The following USHBP1 variants were observed in gnomAD, a reference collection of about 807,000 sequenced individuals.
The protein encoded by USHBP1 is harmonin-binding protein USHBP1.
In USHBP1, 67 loss-of-function variants were observed where a neutral mutation model predicts 76.2. The ratio of observed to expected loss-of-function variants is 0.88; its 90% CI spans 0.72 to 1.08. The LOEUF (loss-of-function observed/expected upper bound fraction) is 1.08. USHBP1 is among the 50% of genes least tolerant of loss of function. The pLI is 0.00. For missense variants in USHBP1, 931 were observed against 915.0 expected, an observed-to-expected ratio of 1.02 and a Z score of -0.23; for synonymous variants, 322 against 362.2, an observed-to-expected ratio of 0.89 and a Z score of 1.26.
rs535554060 is a variant in USHBP1 at position 17,255,290 on chromosome 19, C to T, written c.1692+95G>A. On this transcript the variant is annotated intron_variant, in intron 10 of 12. Transcript: ENST00000252597. ...CTGGGCAACAAGAGCCAAACTCCGT[C>T]TCAAAAAAAACAAAAAAAAAAAGGC... is the stretch of plus-strand genomic sequence containing the variant. The T allele has an allele frequency of 1.4e-4, 187 of 1,342,032 alleles. 2 individuals are homozygous for T. The South Asian group carries it at 2.3e-3, about 16-fold the overall frequency. 83.1% of individuals were successfully genotyped at this position (1,342,032 alleles called of 1,614,324 possible). A position where few individuals can be genotyped will look rare whatever the true frequency, so the allele number is the denominator to read the frequency against.
Position 17,255,574 on chromosome 19 carries a change from C to T in USHBP1, c.1503G>A (p.Gln501=). ...EALADLMLRL[Q]LVRREKRGLE... ...GGCCCCGCTTCTCACGCCGCACCAGCTGCAGCCGAAGCATCAGGTCCGCCA... is the reference window on the plus strand; with the variant it reads ...GGCCCCGCTTCTCACGCCGCACCAGTTGCAGCCGAAGCATCAGGTCCGCCA... Residue 501 remains glutamine (Q), a synonymous_variant, in exon 10 of 13, where the codon CAG becomes CAA. Coordinates refer to ENST00000252597, the MANE Select transcript of USHBP1 (RefSeq NM_031941.4). The T allele has an allele frequency of 6.2e-7, 1 of 1,612,570 alleles. No individual in the cohort carries two copies. Among genetic ancestry groups the T allele is most frequent in the Admixed American group, 1.7e-5 (1 of 59,960 alleles).
In USHBP1 at chr19:17,251,671, CAG is replaced by C. The variant is rs1423367023; in HGVS notation, c.1831_1832del (p.Leu611AlafsTer132). On this transcript the variant is annotated frameshift_variant, in exon 12 of 13. Coordinates refer to ENST00000252597, the MANE Select transcript of USHBP1 (RefSeq NM_031941.4). LOFTEE classifies it high-confidence loss of function. ...GAGCCACCTGTTCCAGCTCCCTGCG[CAG>C]AGACTGCAGCTGCTCCTGCAGGTCC... ...TLDLQEQLQS[L>X]RRELEQVAQK... is the part of the protein sequence containing the mutation. 6.2e-7 allele frequency: 1 copy of C among 1,613,824 alleles called. No homozygotes were observed. The highest frequency in any genetic ancestry group is 8.5e-7 in the Non-Finnish European group (1 of 1,180,020).
At chr19:17,263,791 G>C (rs777965730) in intron 3 of USHBP1, 1 of 559,618 alleles carries the variant, frequency 1.8e-6, no homozygotes, top group Admixed American at 3.8e-5. Context: ...CGCTTGAACC[G>C]GGAGGCAGGG....
chr19:17,253,905 A>AG (rs2073585276), intron 10 of USHBP1, among the ~76,000 whole-genome samples: 1 of 150,764 alleles, frequency 6.6e-6, no homozygotes, highest in African/African-American at 2.4e-5. Flanking sequence ...AAAAAAAAAA[A>AG]AAAAGAAAAA....
rs762752998 is a variant in USHBP1 at position 17,262,941 on chromosome 19, G to C, written c.253C>G (p.Pro85Ala). 28 of 1,543,676 alleles carry C rather than the reference G, an allele frequency of 1.8e-5. No homozygotes were observed. Among genetic ancestry groups the C allele is most frequent in the Non-Finnish European group, 2.4e-5 (27 of 1,144,696 alleles). Residue 85 changes from proline (P) to alanine (A), a missense_variant, in exon 4 of 13, where the codon CCC (proline) becomes GCC (alanine). Coordinates refer to ENST00000252597, the MANE Select transcript of USHBP1 (RefSeq NM_031941.4). ...ACTGCAGGTTTGTGGGGCACTTCGG[G>C]GGCTGAGGCCAGTTCCCTGCCAGAG... is the stretch of plus-strand genomic sequence containing the variant. ...GGSGRELASA[P>A]EVPHKPAVEA...
chr19:17,255,496 C>T lies in USHBP1; in HGVS notation c.1581G>A (p.Leu527=), dbSNP rs61735365. 13 of 1,613,868 alleles carry T rather than the reference C, an allele frequency of 8.1e-6. No homozygotes were observed. Among genetic ancestry groups the T allele is most frequent in the Non-Finnish European group, 8.5e-7 (1 of 1,179,916 alleles). The change falls in exon 10 of 13, where the codon CTG becomes CTA. Residue 527 remains leucine (L), a synonymous_variant. Coordinates refer to ENST00000252597, the MANE Select transcript of USHBP1 (RefSeq NM_031941.4). ...LRALGPAHVL[L]LEQLRWERAE... ...CCCGTTCCCACCGCAGCTGCTCCAGCAGGAGCACGTGAGCTGGACCCAGGG... is the reference window on the plus strand; with the variant it reads ...CCCGTTCCCACCGCAGCTGCTCCAGTAGGAGCACGTGAGCTGGACCCAGGG...
chr19:17,251,640 C>G lies in USHBP1; in HGVS notation c.1864G>C (p.Gly622Arg). ...RRELEQVAQK[G>R]RARRSQSAEL... ...GCACTCTGAGACCGTCTGGCTCGCC[C>G]CTTCTGAGCCACCTGTTCCAGCTCC... is the stretch of plus-strand genomic sequence containing the variant. Residue 622 changes from glycine (G) to arginine (R), a missense_variant, in exon 12 of 13, where the codon GGG (glycine) becomes CGG (arginine). By Grantham distance (125) the Gly-to-Arg change is moderately radical. Coordinates refer to ENST00000252597, the MANE Select transcript of USHBP1 (RefSeq NM_031941.4). The G allele has an allele frequency of 6.2e-7, 1 of 1,613,974 alleles. No individual in the cohort carries two copies. Among genetic ancestry groups the G allele is most frequent in the Non-Finnish European group, 8.5e-7 (1 of 1,179,996 alleles).
intron 8 of USHBP1, 21 bp from the exon 9 acceptor site, chr19:17,256,741 G>T: frequency 2.5e-6 from 4 of 1,613,780 alleles, no homozygotes; most frequent in Non-Finnish European, 2.5e-6. Flanking sequence ...CAGAAAAGGT[G>T]CCTATGTCAA....
Position 17,264,154 on chromosome 19 carries a change from C to T in USHBP1, c.55-4G>A. The T allele has an allele frequency of 6.2e-7, 1 of 1,612,858 alleles. No individual in the cohort carries two copies. The highest frequency in any genetic ancestry group is 1.3e-5 in the African/African-American group (1 of 75,054). ...CAGCCACGGGATCCAGTTCACCCTG[C>T]AAATGACCCCCGGGGCCCTGCTCTG... On this transcript the variant is annotated splice_region_variant and splice_polypyrimidine_tract_variant and intron_variant, in intron 2 of 12. Transcript: ENST00000252597.
At chr19:17,252,064 C>A in intron 10 of USHBP1, 47 bp from the exon 11 acceptor site, 2 of 1,506,436 alleles carry the variant, frequency 1.3e-6, no homozygotes, top group South Asian at 1.2e-5. Flanking sequence ...TAGGCCAAGT[C>A]CGTGCTTGGC....
intron 10 of USHBP1, among the ~76,000 whole-genome samples, chr19:17,254,206 G>T (rs2073589571): frequency 6.6e-6 from 1 of 152,036 alleles, no homozygotes; most frequent in Non-Finnish European, 1.5e-5. Flanking sequence ...AATTAGCCGG[G>T]TGTGGTGGCG....
At chr19:17,257,106 C>A (rs112622897) in intron 8 of USHBP1, among the ~76,000 whole-genome samples, 1,598 of 151,060 alleles carry the variant, frequency 0.011, 8 homozygotes, top group Middle Eastern at 0.024. Context: ...CTGCAAGCTC[C>A]ACCTCTCGGG....
rs531288693 is a variant in USHBP1 at position 17,257,156 on chromosome 19, G to A, written c.1221-436C>T. Among the ~76,000 whole-genome samples the A allele has an allele frequency of 7.3e-5, 11 of 150,736 alleles. No homozygotes were observed. In the East Asian group the frequency reaches 1.4e-3, roughly 19 times the overall value. On this transcript the variant is annotated intron_variant, in intron 8 of 12. Transcript: ENST00000252597. ...CTGTCTCAGCCTCCCAAGAAGGTAG[G>A]ACTACAGGCGCTTGCCACCACGCCC...
intron 10 of USHBP1, among the ~76,000 whole-genome samples, chr19:17,252,977 ATTT>A (rs919471594): frequency 2.7e-5 from 4 of 150,072 alleles, no homozygotes; most frequent in African/African-American, 9.8e-5. Context: ...AATAATAATA[ATTT>A]TTTTTTTGAG....
chr19:17,251,959 G>A lies in USHBP1; in HGVS notation c.1751C>T (p.Ala584Val), dbSNP rs1471777254. 1.3e-6 allele frequency: 2 copies of A among 1,549,036 alleles called. No homozygotes were observed. The highest frequency in any genetic ancestry group is 1.7e-6 in the Non-Finnish European group (2 of 1,147,318). The change falls in exon 11 of 13, where the codon GCC (alanine) becomes GTC (valine). Residue 584 changes from alanine (A) to valine (V), a missense_variant. Physicochemically the swap from Ala to Val is moderately conservative, Grantham distance 64. Transcript: ENST00000252597. Reference sequence around the variant, plus strand: ...CTGGGCTAACTTCTCTGGGTCCCAGGCTCTGCCCACCTGGCCACCATCAAT... The same window carrying A: ...CTGGGCTAACTTCTCTGGGTCCCAGACTCTGCCCACCTGGCCACCATCAAT... ...SGIDGGQVGRAWDPEKLAQEL... is the reference protein window; with the variant it reads ...SGIDGGQVGRVWDPEKLAQEL...
At chr19:17,257,373 T>C (rs2073633221) in intron 8 of USHBP1, among the ~76,000 whole-genome samples, 1 of 144,490 alleles carries the variant, frequency 6.9e-6, no homozygotes, top group Non-Finnish European at 1.5e-5. Context: ...CCGGGCGCAG[T>C]GCCTAACGCC....
Position 17,252,009 on chromosome 19 carries a change from A to G in USHBP1, c.1701T>C (p.Pro567=), listed in dbSNP as rs560671164. 8 of 1,548,686 alleles carry G rather than the reference A, an allele frequency of 5.2e-6. No individual in the cohort carries two copies. In the African/African-American group the frequency reaches 9.6e-5, roughly 19 times the overall value. The change falls in exon 11 of 13, where the codon CCT becomes CCC. Residue 567 remains proline, a synonymous_variant. Transcript: ENST00000252597. ...TGCCACTGGTGCCACCAGGGACAGC[A>G]GGAAGGCCCTAAGGGAGGCAGAAGA... ...GDEEEWYQGL[P]AVPGGTSGID...
rs192553068 is a variant in USHBP1, at chr19:17,249,344, A to G, written c.*881T>C. 1 of 152,290 alleles carries G rather than the reference A, an allele frequency of 6.6e-6. No individual in the cohort carries two copies. The highest frequency in any genetic ancestry group is 6.5e-5 in the Admixed American group (1 of 15,286). 9.4% of individuals were successfully genotyped at this position (152,290 alleles called of 1,614,324 possible). On this transcript the variant is annotated 3_prime_UTR_variant, in exon 13 of 13. Coordinates refer to ENST00000252597, the MANE Select transcript of USHBP1 (RefSeq NM_031941.4). The stretch of plus-strand genomic sequence containing the variant: ...GTAGCCGGGATTACAGGCATGTGCC[A>G]CAACACCCAGCCAATTTTTGTATTT...
rs1329826782 is a variant in USHBP1 at position 17,264,670 on chromosome 19, C to A, written c.-49+1G>T. 1.1e-5 allele frequency: 3 copies of A among 267,792 alleles called. No individual in the cohort carries two copies. The East Asian group carries it at 2.9e-4, about 26-fold the overall frequency. The allele number at this position is 267,792 out of a possible 1,614,324, so 16.6% of individuals were successfully genotyped here. ...TAAATGAGAGGTTCAGCTCTCTCTA[C>A]CTCTCTGATCCTCTGGGGGTAACTT... On this transcript the variant is annotated splice_donor_variant, in intron 1 of 12. Coordinates refer to ENST00000252597, the MANE Select transcript of USHBP1 (RefSeq NM_031941.4). LOFTEE classifies it low-confidence loss of function (5UTR_SPLICE).
Sources: allele counts gnomAD v4.1 joint callset (sites outside exome capture counted in the v4.1 genomes callset), GRCh38; gene constraint gnomAD v4.1.1; transcripts MANE v1.5; gene names NCBI Gene and HGNC (gene_info 2026-07-23, HGNC 2026-07-21).